SLC16A12: variants seen among roughly 807,000 people sequenced by gnomAD.
SLC16A12 encodes solute carrier family 16 member 12.
A neutral mutation model predicts 42.4 loss-of-function variants in SLC16A12; 17 were observed. That is an observed-to-expected ratio of 0.40 (90% CI 0.27 to 0.60). SLC16A12 has a LOEUF of 0.60. SLC16A12 is among the 20% of genes least tolerant of loss of function. The pLI is 0.42. For synonymous variants in SLC16A12, 224 were observed against 229.4 expected (o/e 0.98, Z 0.21); for missense variants, 544 against 623.0 (o/e 0.87, Z 1.35).
chr10:89,489,305 T>C (rs1425983015), intron 2 of SLC16A12, among the ~76,000 whole-genome samples: 1 of 152,168 alleles, frequency 6.6e-6, no homozygotes, highest in African/African-American at 2.4e-5. Flanking sequence ...ATTCTTTATA[T>C]ACTAAAGATT....
At chr10:89,467,267 A>G (rs1842417044) in intron 2 of SLC16A12, among the ~76,000 whole-genome samples, 1 of 152,236 alleles carries the variant, frequency 6.6e-6, no homozygotes, top group Non-Finnish European at 1.5e-5. Flanking sequence ...ATACTGAAAC[A>G]GCCAGAGCTG....
At chr10:89,490,769 A>C (rs1842834507) in intron 2 of SLC16A12, among the ~76,000 whole-genome samples, 1 of 152,136 alleles carries the variant, frequency 6.6e-6, no homozygotes, top group Admixed American at 6.5e-5. Flanking sequence ...ATTTCAGATA[A>C]ACTCAACCTT....
At chr10:89,529,120 A>G (rs1843500931) in intron 2 of SLC16A12, among the ~76,000 whole-genome samples, 2 of 152,048 alleles carry the variant, frequency 1.3e-5, no homozygotes, top group Admixed American at 1.3e-4. Flanking sequence ...CTTTGTCGTG[A>G]GTTTTTATTT....
chr10:89,480,954 T>C (rs919528964), intron 2 of SLC16A12, among the ~76,000 whole-genome samples: 3 of 152,214 alleles, frequency 2.0e-5, no homozygotes, highest in African/African-American at 7.2e-5. Flanking sequence ...GACAAATATC[T>C]GTATACTAAA....
At chr10:89,497,337 A>G (rs1589706882) in intron 2 of SLC16A12, among the ~76,000 whole-genome samples, 1 of 152,220 alleles carries the variant, frequency 6.6e-6, no homozygotes, top group African/African-American at 2.4e-5. Context: ...TTTATTCTCA[A>G]AAAATACAGG....
intron 4 of SLC16A12, among the ~76,000 whole-genome samples, chr10:89,443,477 T>A (rs2133697492): frequency 6.6e-6 from 1 of 152,342 alleles, no homozygotes; most frequent in African/African-American, 2.4e-5. Context: ...ATGCTCAGCG[T>A]CCTATCTCTA....
At chr10:89,507,115 A>G (rs1409395966) in intron 2 of SLC16A12, among the ~76,000 whole-genome samples, 1 of 152,220 alleles carries the variant, frequency 6.6e-6, no homozygotes, top group Non-Finnish European at 1.5e-5. Flanking sequence ...TGTACCTGAA[A>G]GTGACGGGGA....
chr10:89,517,599 T>C (rs1466090348), intron 2 of SLC16A12, among the ~76,000 whole-genome samples: 3 of 152,050 alleles, frequency 2.0e-5, no homozygotes, highest in Non-Finnish European at 4.4e-5. Flanking sequence ...GCATGAGCCA[T>C]TGCACCTGGC....
intron 2 of SLC16A12, among the ~76,000 whole-genome samples, chr10:89,463,276 T>G (rs1842333142): frequency 6.6e-6 from 1 of 152,228 alleles, no homozygotes; most frequent in Admixed American, 6.5e-5. Flanking sequence ...AGCAACTTCT[T>G]GGCATTTTTT....
intron 3 of SLC16A12, among the ~76,000 whole-genome samples, chr10:89,448,837 T>C (rs1842045558): frequency 6.6e-6 from 1 of 152,214 alleles, no homozygotes; most frequent in Non-Finnish European, 1.5e-5. Flanking sequence ...GCAGATGACA[T>C]GATTGTATAT....
chr10:89,466,106 G>A (rs1410936013), intron 2 of SLC16A12, among the ~76,000 whole-genome samples: 1 of 152,146 alleles, frequency 6.6e-6, no homozygotes, highest in Non-Finnish European at 1.5e-5. Context: ...ATTACTTTAT[G>A]TCTCTGAGCC....
chr10:89,529,880 C>T (rs903325307), intron 2 of SLC16A12, among the ~76,000 whole-genome samples: 3 of 152,096 alleles, frequency 2.0e-5, no homozygotes, highest in Non-Finnish European at 1.5e-5. Context: ...AATGCTATAT[C>T]TATAAGAGGC....
At chr10:89,541,911 T>C (rs1292314284) in intron 2 of SLC16A12, among the ~76,000 whole-genome samples, 1 of 152,222 alleles carries the variant, frequency 6.6e-6, no homozygotes, top group Non-Finnish European at 1.5e-5. Context: ...CCAAATTAAG[T>C]TTTCTAATAT....
intron 3 of SLC16A12, among the ~76,000 whole-genome samples, chr10:89,457,110 T>A (rs1370352907): frequency 2.6e-5 from 4 of 152,004 alleles, no homozygotes; most frequent in Non-Finnish European, 5.9e-5. Flanking sequence ...GGTATTTCTA[T>A]GCAAAAATTG....
At chr10:89,527,704 G>C (rs1470720358) in intron 2 of SLC16A12, among the ~76,000 whole-genome samples, 1 of 151,726 alleles carries the variant, frequency 6.6e-6, no homozygotes, top group Middle Eastern at 3.4e-3. Context: ...CTACTTTGGA[G>C]GCTGAAGCAG....
At position 89,436,201 on chromosome 10, in the gene SLC16A12, AG is replaced by A; in HGVS notation, c.1146del (p.Phe383LeufsTer9). ...ACATAGGCACCATCAAAGTAGCCAA[AG>A]GTACAAGAGAAAGGCACGAGCAGAG... The part of the protein sequence containing the change: ...SLPLLVPFSC[T>X]FGYFDGAYVT... On this transcript the variant is annotated frameshift_variant, in exon 7 of 8. Coordinates refer to ENST00000371790, the MANE Select transcript of SLC16A12 (RefSeq NM_213606.4). LOFTEE classifies it high-confidence loss of function. 6.2e-7 allele frequency: 1 copy of A among 1,614,180 alleles called. No homozygotes were observed. Among genetic ancestry groups the A allele is most frequent in the African/African-American group, 1.3e-5 (1 of 75,062 alleles).
chr10:89,506,879 T>A (rs1843071175), intron 2 of SLC16A12, among the ~76,000 whole-genome samples: 1 of 151,828 alleles, frequency 6.6e-6, no homozygotes, highest in South Asian at 2.1e-4. Flanking sequence ...GAGAAAAACA[T>A]AAATGACCTG....
At chr10:89,436,892 GAA>G (rs1564567532) in intron 6 of SLC16A12, among the ~76,000 whole-genome samples, 11 of 148,082 alleles carry the variant, frequency 7.4e-5, no homozygotes, top group African/African-American at 2.8e-4. Context: ...AAGAAAGAAA[GAA>G]AGAAAGAAAG....
upstream of SLC16A12, among the ~76,000 whole-genome samples, chr10:89,539,857 TTTTCTTTCTTTCTTTCTTTCTTTC>T (rs71022573): frequency 1.7e-4 from 22 of 127,956 alleles, no homozygotes; most frequent in East Asian, 9.6e-4. Flanking sequence ...AGAAACAAAT[TTTTCTTTCTTTCTTTCTTTCTTTC>T]TTTCTTTCTT....
Sources: allele counts gnomAD v4.1 joint callset (sites outside exome capture counted in the v4.1 genomes callset), GRCh38; gene constraint gnomAD v4.1.1; transcripts MANE v1.5; gene names NCBI Gene and HGNC (gene_info 2026-07-23, HGNC 2026-07-21).